PIEZO2: variants seen among roughly 807,000 people sequenced by gnomAD.
PIEZO2 encodes the protein piezo type mechanosensitive ion channel component 2, also known as piezo-type mechanosensitive ion channel component 2.
A neutral mutation model predicts 337.3 loss-of-function variants in PIEZO2; 172 were observed. The ratio of observed to expected loss-of-function variants is 0.51; its 90% CI spans 0.45 to 0.58. The LOEUF is 0.58. Among genes scored for constraint, PIEZO2 ranks in the 20% least tolerant of loss-of-function variants. The pLI, the probability that PIEZO2 is intolerant of heterozygous loss-of-function variation, is 0.00. For missense variants in PIEZO2, 3,028 were observed against 3,391.3 expected (o/e 0.89, Z 2.66); for synonymous variants, 1,251 against 1,228.5 (o/e 1.02, Z -0.38).
At chr18:11,100,822 C>T (rs1183495918) in intron 1 of PIEZO2, among the ~76,000 whole-genome samples, 2 of 152,186 alleles carry the variant, frequency 1.3e-5, no homozygotes, top group Non-Finnish European at 2.9e-5. Flanking sequence ...GTCTCGATCT[C>T]CTGACCTCGT....
rs1340614560 is a variant in PIEZO2 at position 10,969,266 on chromosome 18, G to A, written c.286+10269C>T. On this transcript the variant is annotated intron_variant, in intron 3 of 55. Transcript: ENST00000674853. The surrounding 1 kb of genome is among the most constrained non-coding windows in gnomAD (Gnocchi z 4.5). ...ATTGTAAATAATTTACACTAGAAAT[G>A]CTGCATCATGAAGCTGAGGTTAGAG... Among the ~76,000 whole-genome samples, 1 of 152,178 alleles carries A rather than the reference G, an allele frequency of 6.6e-6. No homozygotes were observed. The highest frequency in any genetic ancestry group is 2.4e-5 in the African/African-American group (1 of 41,436).
chr18:10,797,412 T>C lies in PIEZO2; in HGVS notation c.1489A>G (p.Met497Val), dbSNP rs755640921. 2.0e-6 allele frequency: 3 copies of C among 1,537,080 alleles called. No homozygotes were observed. The highest frequency in any genetic ancestry group is 2.6e-6 in the Non-Finnish European group (3 of 1,146,904). The change falls in exon 12 of 56, where the codon ATG becomes GTG. Residue 497 changes from methionine (M) to valine (V), a missense_variant. This residue lies in a region of PIEZO2 where 542 missense variants were observed against 605.6 expected (regional missense o/e 0.89). Coordinates refer to ENST00000674853, the MANE Select transcript of PIEZO2 (RefSeq NM_001378183.1). ...AGGGCACAGATGTAACTTTGTTTCA[T>C]AATAAATTGGAATACGGAGACCATG... ...HAMVSVFQFI[M>V]KQSYICALIA...
chr18:10,945,927 G>C lies in PIEZO2; in HGVS notation c.286+33608C>G, dbSNP rs2032995438. ...TTAGACACTGCAAAAGAAAAGATTA[G>C]TGAATGTGAGGATACAGCATCAGAA... On this transcript the variant is annotated intron_variant, in intron 3 of 55. Transcript: ENST00000674853. The surrounding 1 kb of genome is among the most constrained non-coding windows in gnomAD (Gnocchi z 4.0). 6.6e-6 allele frequency among the ~76,000 whole-genome samples: 1 copy of C among 152,142 alleles called. No homozygotes were observed. Among genetic ancestry groups the C allele is most frequent in the Non-Finnish European group, 1.5e-5 (1 of 68,026 alleles).
In PIEZO2 at chr18:10,863,915, C is replaced by A. The variant is rs1384344608; in HGVS notation, c.493-6704G>T. On this transcript the variant is annotated intron_variant, in intron 5 of 55. Transcript: ENST00000674853. The surrounding 1 kb of genome is among the most constrained non-coding windows in gnomAD (Gnocchi z 4.3). ...ATCATCCACTCAGTTCACATTAGTT[C>A]CAGAGATTACTACTCATCCTGAACC... Among the ~76,000 whole-genome samples the A allele has an allele frequency of 2.6e-5, 4 of 152,016 alleles. No individual in the cohort carries two copies. The highest frequency in any genetic ancestry group is 5.9e-5 in the Non-Finnish European group (4 of 68,010).
intron 4 of PIEZO2, among the ~76,000 whole-genome samples, chr18:10,900,894 A>T (rs574517109): frequency 3.9e-5 from 6 of 152,360 alleles, no homozygotes; most frequent in Admixed American, 1.3e-4. Flanking sequence ...ACTAGCAAAG[A>T]TTCAGAGTTT....
chr18:10,985,493 A>G (rs1292825405), intron 2 of PIEZO2, among the ~76,000 whole-genome samples: 3 of 152,032 alleles, frequency 2.0e-5, no homozygotes, highest in Non-Finnish European at 4.4e-5. Context: ...TTAGCTGACC[A>G]TACATGTATG....
chr18:10,782,064 C>G (rs995804827), intron 17 of PIEZO2, among the ~76,000 whole-genome samples: 1 of 146,664 alleles, frequency 6.8e-6, no homozygotes, highest in Non-Finnish European at 1.5e-5. Context: ...GGAAGAGTTG[C>G]TAAAAATATA....
At position 10,804,950 on chromosome 18, in the gene PIEZO2, C is replaced by G. The variant is rs182730588; in HGVS notation, c.1081-956G>C. 1.7e-3 allele frequency among the ~76,000 whole-genome samples: 261 copies of G among 152,302 alleles called. 1 individual carries two copies. Among genetic ancestry groups the G allele is most frequent in the Non-Finnish European group, 1.9e-3 (131 of 68,030 alleles). ...TTTGAAGCCCACTTCTCTACATACC[C>G]CTGCAGACCTCGTGATTTATAACAT... On this transcript the variant is annotated intron_variant, in intron 8 of 55. Coordinates refer to ENST00000674853, the MANE Select transcript of PIEZO2 (RefSeq NM_001378183.1).
intron 2 of PIEZO2, among the ~76,000 whole-genome samples, chr18:11,018,099 T>G (rs1415823593): frequency 5.3e-5 from 8 of 152,036 alleles, no homozygotes; most frequent in Admixed American, 5.2e-4. Context: ...GTAGAATTGT[T>G]CCCTGCCCCT....
At chr18:11,061,635 A>C (rs2037962613) in intron 2 of PIEZO2, among the ~76,000 whole-genome samples, 1 of 151,980 alleles carries the variant, frequency 6.6e-6, no homozygotes, top group Non-Finnish European at 1.5e-5. Flanking sequence ...GAGCCAAATC[A>C]TGAGTGAACT....
chr18:10,680,145 T>A lies in PIEZO2; in HGVS notation c.7952+54A>T, dbSNP rs688222. 0.81 allele frequency: 1,172,444 copies of A among 1,455,486 alleles called. 474,510 individuals carry two copies. The highest frequency in any genetic ancestry group is 0.83 in the Non-Finnish European group (891,990 of 1,070,192). The allele number at this position is 1,455,486 out of a possible 1,614,324, so 90.2% of individuals were successfully genotyped here. ...CCCACCACACCCTCCCTCCCCCAAC[T>A]CCATGTTTAGACTGGGGAAAGGGAT... is the stretch of plus-strand genomic sequence containing the variant. On this transcript the variant is annotated intron_variant, in intron 52 of 55. Transcript: ENST00000674853.
chr18:10,786,973 G>T lies in PIEZO2; in HGVS notation c.2318+63C>A, dbSNP rs1429225851. 7 of 1,406,634 alleles carry T rather than the reference G, an allele frequency of 5.0e-6. No homozygotes were observed. In the African/African-American group the frequency reaches 8.7e-5, roughly 17 times the overall value. The allele number at this position is 1,406,634 out of a possible 1,614,324, so 87.1% of individuals were successfully genotyped here. A position where few individuals can be genotyped will look rare whatever the true frequency, so the allele number is the denominator to read the frequency against. On this transcript the variant is annotated intron_variant, in intron 16 of 55. Coordinates refer to ENST00000674853, the MANE Select transcript of PIEZO2 (RefSeq NM_001378183.1). ...CTTTACTAAAATCTTCCTTAAAGAT[G>T]CTTTGAACAATATGCATTCAAGTCT... is the stretch of plus-strand genomic sequence containing the variant.
At chr18:10,700,816 A>G (rs1249349772) in intron 43 of PIEZO2, among the ~76,000 whole-genome samples, 1 of 152,244 alleles carries the variant, frequency 6.6e-6, no homozygotes, top group Non-Finnish European at 1.5e-5. Context: ...AAGAACTGTA[A>G]GATTTAGGCA....
chr18:10,733,419 G>T (rs2036864860), intron 35 of PIEZO2, among the ~76,000 whole-genome samples: 1 of 150,632 alleles, frequency 6.6e-6, no homozygotes, highest in South Asian at 2.1e-4. Flanking sequence ...ACTGAGTCAA[G>T]AAATGGAAGG....
chr18:10,956,430 A>G (rs1210876620), intron 3 of PIEZO2, among the ~76,000 whole-genome samples: 2 of 152,166 alleles, frequency 1.3e-5, no homozygotes, highest in Non-Finnish European at 2.9e-5. Flanking sequence ...GGCAAAACTA[A>G]TATTGTTAAA....
intron 43 of PIEZO2, 130 bp downstream of exon 43, chr18:10,701,859 G>T: frequency 5.0e-6 from 3 of 604,726 alleles, no homozygotes; most frequent in Non-Finnish European, 5.0e-6. Context: ...AAAAACATAT[G>T]AGTAGATACC....
At chr18:10,698,345 G>A (rs1004673200) in intron 44 of PIEZO2, among the ~76,000 whole-genome samples, 1 of 151,562 alleles carries the variant, frequency 6.6e-6, no homozygotes, top group Non-Finnish European at 1.5e-5. Flanking sequence ...CTTCAGACAG[G>A]AGCCCCATAA....
At position 10,742,626 on chromosome 18, in the gene PIEZO2, A is replaced by G; in HGVS notation, c.4515-11T>C. 6.5e-7 allele frequency: 1 copy of G among 1,536,606 alleles called. No individual in the cohort carries two copies. The highest frequency in any genetic ancestry group is 1.7e-4 in the Middle Eastern group (1 of 5,986). On this transcript the variant is annotated splice_polypyrimidine_tract_variant and intron_variant, in intron 31 of 55. Coordinates refer to ENST00000674853, the MANE Select transcript of PIEZO2 (RefSeq NM_001378183.1). ...TTGATGCGATCCATCCTATAAAGTAAAATAACATTAGTAATGCCAAGAACA... is the reference window on the plus strand; with the variant it reads ...TTGATGCGATCCATCCTATAAAGTAGAATAACATTAGTAATGCCAAGAACA...
chr18:10,913,342 A>G (rs1350880361), intron 3 of PIEZO2, among the ~76,000 whole-genome samples: 2 of 152,228 alleles, frequency 1.3e-5, no homozygotes, highest in East Asian at 3.9e-4. Context: ...AGGGTCTCCT[A>G]CCAAAATGAG....
Sources: gnomAD v4.1 joint callset for allele counts (sites outside exome capture counted in the v4.1 genomes callset) on GRCh38, gnomAD v4.1.1 for gene constraint, gnomAD v4.1.1 regional missense constraint, Gnocchi (gnomAD v3.1) non-coding constraint, MANE v1.5 for transcripts, NCBI Gene and HGNC (gene_info 2026-07-23, HGNC 2026-07-21) for gene names.